The following PIK3CB variants were observed in gnomAD, a reference collection of about 807,000 sequenced individuals.
PIK3CB encodes phosphatidylinositol 4,5-bisphosphate 3-kinase catalytic subunit beta isoform.
In PIK3CB, 39 loss-of-function variants were observed where a neutral mutation model predicts 136.8. The ratio of observed to expected loss-of-function variants is 0.29; its 90% CI spans 0.22 to 0.37. The LOEUF (loss-of-function observed/expected upper bound fraction) is 0.37. PIK3CB is among the 10% of genes least tolerant of loss of function. The pLI, the probability that PIK3CB is intolerant of heterozygous loss-of-function variation, is 1.00. For missense variants in PIK3CB, 868 were observed against 1,275.4 expected (o/e 0.68, Z 4.87); for synonymous variants, 428 against 436.6 (o/e 0.98, Z 0.25).
chr3:138,689,224 A>C (rs1180462677), intron 15 of PIK3CB, among the ~76,000 whole-genome samples: 3 of 152,166 alleles, frequency 2.0e-5, no homozygotes, highest in Non-Finnish European at 4.4e-5. Flanking sequence ...AAAATAAAAA[A>C]GTGTAGCTAG....
Position 138,665,037 on chromosome 3 carries a change from C to T in PIK3CB, c.2671G>A (p.Gly891Arg). ...GATAATTAAACAGAATAAACTAACC[C>T]AGAGTTGTATTCTTTAAGCCAGTTC... ...LLNWLKEYNS[G>R]DDLDRAIEEF... Residue 891 changes from glycine (G) to arginine (R), a missense_variant and splice_region_variant, in exon 20 of 24, where the codon GGG becomes AGG. Gly to Arg is a moderately radical substitution (Grantham distance 125). Transcript: ENST00000674063. The T allele has an allele frequency of 1.3e-6, 2 of 1,594,592 alleles. No individual in the cohort carries two copies. Among genetic ancestry groups the T allele is most frequent in the South Asian group, 2.3e-5 (2 of 88,304 alleles).
chr3:138,691,287 C>A (rs1311533243), intron 14 of PIK3CB, 144 bp from the exon 15 acceptor site: 3 of 682,868 alleles, frequency 4.4e-6, no homozygotes, highest in Non-Finnish European at 7.3e-6. Flanking sequence ...TTCACTGTAC[C>A]ACTGTTACAA....
At chr3:138,697,476 C>T (rs1415030519) in intron 13 of PIK3CB, among the ~76,000 whole-genome samples, 1 of 151,672 alleles carries the variant, frequency 6.6e-6, no homozygotes, top group Non-Finnish European at 1.5e-5. Flanking sequence ...CCCTCTGTCA[C>T]CCAGGCTAGA....
At chr3:138,673,682 AAC>A (rs972487107) in intron 19 of PIK3CB, among the ~76,000 whole-genome samples, 1 of 152,098 alleles carries the variant, frequency 6.6e-6, no homozygotes, top group African/African-American at 2.4e-5. Context: ...GTTTATTTAA[AAC>A]ACACACACAC....
At chr3:138,657,520 A>T (rs1317060010) in intron 22 of PIK3CB, 170 bp downstream of exon 22, 2 of 561,768 alleles carry the variant, frequency 3.6e-6, no homozygotes, top group African/African-American at 4.0e-5. Context: ...CCTATCTGGG[A>T]ATTTCTGAAC....
intron 15 of PIK3CB, among the ~76,000 whole-genome samples, chr3:138,689,948 T>C (rs1359869015): frequency 6.6e-6 from 1 of 152,204 alleles, no homozygotes; most frequent in African/African-American, 2.4e-5. Context: ...ACTAATGCCC[T>C]GATTAGCATC....
chr3:138,767,425 T>A (rs1168760269), intron 2 of PIK3CB, among the ~76,000 whole-genome samples: 1 of 152,164 alleles, frequency 6.6e-6, no homozygotes, highest in Non-Finnish European at 1.5e-5. Context: ...ACTTTCAGAA[T>A]CACTGCCCTA....
At chr3:138,777,958 T>C in intron 2 of PIK3CB, 2 of 371,814 alleles carry the variant, frequency 5.4e-6, no homozygotes, top group South Asian at 4.5e-5. Flanking sequence ...ACACGGTCTA[T>C]ATGTTCCATG....
chr3:138,746,382 C>G (rs772610098), intron 4 of PIK3CB, among the ~76,000 whole-genome samples: 15 of 151,992 alleles, frequency 9.9e-5, no homozygotes, highest in Admixed American at 9.8e-4. Context: ...TCAAATCGGC[C>G]GGGCACGGTG....
In PIK3CB at chr3:138,766,487, T is replaced by C. The variant is rs577137304; in HGVS notation, c.-16-7128A>G. ...GGCTAAGTATCTTTCTTGTGCCATC[T>C]TTAGGTGCATCATAAAGAAAAATTT... On this transcript the variant is annotated intron_variant, in intron 2 of 23. Coordinates refer to ENST00000674063, the MANE Select transcript of PIK3CB (RefSeq NM_006219.3). Among the ~76,000 whole-genome samples the C allele has an allele frequency of 3.5e-4, 53 of 152,366 alleles. No individual in the cohort carries two copies. In the South Asian group the frequency reaches 7.5e-3, roughly 21 times the overall value.
Position 138,657,907 on chromosome 3 carries a change from A to AT in PIK3CB, c.2797-73_2797-72insA. 3 of 1,449,476 alleles carry AT rather than the reference A, an allele frequency of 2.1e-6. No individual in the cohort carries two copies. The Admixed American group carries it at 5.8e-5, about 28-fold the overall frequency. 89.8% of individuals were successfully genotyped at this position (1,449,476 alleles called of 1,614,324 possible). ...CCAAATATAAAGGCAAAACCTCCAT[A>AT]GTCCTAGACCCCCAGGAACTATACC... On this transcript the variant is annotated intron_variant, in intron 21 of 23. Coordinates refer to ENST00000674063, the MANE Select transcript of PIK3CB (RefSeq NM_006219.3).
intron 2 of PIK3CB, among the ~76,000 whole-genome samples, chr3:138,795,244 C>G (rs550096078): frequency 6.7e-6 from 1 of 149,462 alleles, no homozygotes; most frequent in African/African-American, 2.5e-5. Flanking sequence ...CACTTGAAAC[C>G]GGGAGGCGGA....
At chr3:138,659,308 G>T (rs58183318) in intron 21 of PIK3CB, among the ~76,000 whole-genome samples, 1 of 152,184 alleles carries the variant, frequency 6.6e-6, no homozygotes, top group Admixed American at 6.5e-5. Flanking sequence ...ATGCAGAGGA[G>T]TGACAAGTTT....
intron 1 of PIK3CB, among the ~76,000 whole-genome samples, chr3:138,808,695 A>T (rs2046260323): frequency 6.6e-6 from 1 of 151,370 alleles, no homozygotes; most frequent in Non-Finnish European, 1.5e-5. Context: ...AACAAAAAAA[A>T]ATTAGGAGAA....
intron 2 of PIK3CB, among the ~76,000 whole-genome samples, chr3:138,788,964 C>CAAAAAAAAAAAAAAAAAAAA (rs57432821): frequency 6.7e-5 from 6 of 89,494 alleles, no homozygotes; most frequent in African/African-American, 2.8e-4. Flanking sequence ...GACTTCGTCT[C>CAAAAAAAAAAAAAAAAAAAA]AAAAAAAAAA....
rs975543138 is a variant in PIK3CB at position 138,747,035 on chromosome 3, A to T, written c.398-4254T>A. ...AGCTGCAGACCTCCATCTACAGTAC[A>T]TATCAAGCTATTCAGCCTTTATATA... is the stretch of plus-strand genomic sequence containing the variant. On this transcript the variant is annotated intron_variant, in intron 4 of 23. Transcript: ENST00000674063. Among the ~76,000 whole-genome samples, 24 of 119,910 alleles carry T rather than the reference A, an allele frequency of 2.0e-4. No homozygotes were observed. In the Admixed American group the frequency reaches 2.3e-3, roughly 11 times the overall value. 78.7% of individuals were successfully genotyped at this position (119,910 alleles called of 152,430 possible). A position where few individuals can be genotyped will look rare whatever the true frequency, so the allele number is the denominator to read the frequency against.
intron 19 of PIK3CB, among the ~76,000 whole-genome samples, chr3:138,677,967 T>A (rs2043684078): frequency 6.6e-6 from 1 of 152,032 alleles, no homozygotes; most frequent in Admixed American, 6.6e-5. Context: ...ATAAATAATA[T>A]AGTATATAAA....
intron 8 of PIK3CB, among the ~76,000 whole-genome samples, chr3:138,720,170 A>G (rs546100742): frequency 7.9e-5 from 12 of 152,158 alleles, no homozygotes; most frequent in Non-Finnish European, 1.8e-4. Flanking sequence ...CTTGACCTAA[A>G]TATCTCCAAC....
At chr3:138,685,420 A>AAAAAAAAAAAAAAAGAAAG (rs2043866681) in intron 16 of PIK3CB, among the ~76,000 whole-genome samples, 7 of 86,964 alleles carry the variant, frequency 8.0e-5, no homozygotes, top group Admixed American at 1.8e-4. Flanking sequence ...AAAAAAAAAA[A>AAAAAAAAAAAAAAAGAAAG]AAAGAAAGAA....
Sources: gnomAD v4.1 joint callset for allele counts (sites outside exome capture counted in the v4.1 genomes callset) on GRCh38, gnomAD v4.1.1 for gene constraint, MANE v1.5 for transcripts, NCBI Gene and HGNC (gene_info 2026-07-23, HGNC 2026-07-21) for gene names.